Variants in DNAH14 observed in about 807,000 individuals in gnomAD.
DNAH14 encodes axonemal beta dynein heavy chain 14.
In DNAH14, 478 loss-of-function variants were observed where a neutral mutation model predicts 520.9. That is an observed-to-expected ratio of 0.92 (90% CI 0.85 to 0.99). The LOEUF (loss-of-function observed/expected upper bound fraction) is 0.99. Among genes scored for constraint, DNAH14 ranks in the 50% least tolerant of loss-of-function variants. DNAH14 has a pLI of 0.00. For missense variants in DNAH14, 4,831 were observed against 5,234.5 expected, an observed-to-expected ratio of 0.92 and a Z score of 2.38; for synonymous variants, 1,581 against 1,757.2, an observed-to-expected ratio of 0.90 and a Z score of 2.51.
At chr1:225,317,008 A>G (rs1474410848) in intron 60 of DNAH14, among the ~76,000 whole-genome samples, 1 of 152,206 alleles carries the variant, frequency 6.6e-6, no homozygotes, top group Non-Finnish European at 1.5e-5. Context: ...TGACATGAAT[A>G]TTTTATAGGA....
chr1:225,095,139 A>G (rs2074833837), intron 21 of DNAH14, among the ~76,000 whole-genome samples: 1 of 152,136 alleles, frequency 6.6e-6, no homozygotes, highest in African/African-American at 2.4e-5. Context: ...TAGCAATCCC[A>G]TTATTGAGTA....
At chr1:225,275,720 T>C (rs2093450085) in intron 52 of DNAH14, among the ~76,000 whole-genome samples, 194 bp from the exon 53 acceptor site, 1 of 152,182 alleles carries the variant, frequency 6.6e-6, no homozygotes, top group South Asian at 2.1e-4. Context: ...AAAATATTAT[T>C]TTGAGAAAGA....
At chr1:225,237,636 G>T (rs1444845024) in intron 42 of DNAH14, among the ~76,000 whole-genome samples, 1 of 152,104 alleles carries the variant, frequency 6.6e-6, no homozygotes, top group African/African-American at 2.4e-5. Context: ...TGCATTTCCT[G>T]AATTTGAAGG....
intron 17 of DNAH14, among the ~76,000 whole-genome samples, chr1:225,056,911 C>A (rs1260335803): frequency 1.3e-5 from 2 of 152,256 alleles, no homozygotes; most frequent in South Asian, 2.1e-4. Flanking sequence ...GGTACCAGTA[C>A]CATGCTGTTT....
At chr1:224,979,358 T>G (rs997315193) in intron 8 of DNAH14, among the ~76,000 whole-genome samples, 1 of 152,104 alleles carries the variant, frequency 6.6e-6, no homozygotes, top group African/African-American at 2.4e-5. Flanking sequence ...GACTGTTCAT[T>G]GAACTCAGTG....
chr1:225,299,727 A>G (rs926699141), intron 55 of DNAH14, among the ~76,000 whole-genome samples: 1 of 152,134 alleles, frequency 6.6e-6, no homozygotes, highest in Admixed American at 6.6e-5. Flanking sequence ...TGTTTCCCAC[A>G]CTTTCCAGGC....
chr1:225,327,577 A>G (rs1274779214), intron 64 of DNAH14, among the ~76,000 whole-genome samples: 2 of 152,220 alleles, frequency 1.3e-5, no homozygotes, highest in Non-Finnish European at 2.9e-5. Context: ...AGCAAAAGAA[A>G]TGCTCAGAGA....
Position 225,143,721 on chromosome 1 carries a change from T to A in DNAH14, c.4509-676T>A, listed in dbSNP as rs552514553. Among the ~76,000 whole-genome samples the A allele has an allele frequency of 2.0e-5, 3 of 151,634 alleles. No individual in the cohort carries two copies. In the East Asian group the frequency reaches 5.8e-4, roughly 29 times the overall value. On this transcript the variant is annotated intron_variant, in intron 28 of 85. Coordinates refer to ENST00000682510, the MANE Select transcript of DNAH14 (RefSeq NM_001367479.1). ...TTTTGCTTGACAATGTTTTAATATT[T>A]AAAAAAAAACATAAAATTCTTTACA...
chr1:225,140,763 T>G lies in DNAH14; in HGVS notation c.4255-5T>G, dbSNP rs567241709. On this transcript the variant is annotated splice_region_variant and splice_polypyrimidine_tract_variant and intron_variant, in intron 27 of 85. Transcript: ENST00000682510. ...TATATATATAACATTATCTTACTTT[T>G]TCAGAGCCAGATCATGTTTTATAAT... 2 of 1,511,476 alleles carry G rather than the reference T, an allele frequency of 1.3e-6. No homozygotes were observed. Among genetic ancestry groups the G allele is most frequent in the African/African-American group, 1.4e-5 (1 of 72,068 alleles). 93.6% of individuals were successfully genotyped at this position (1,511,476 alleles called of 1,614,324 possible).
intron 34 of DNAH14, among the ~76,000 whole-genome samples, chr1:225,156,208 C>T (rs2081026889): frequency 6.6e-6 from 1 of 152,014 alleles, no homozygotes; most frequent in Admixed American, 6.5e-5. Flanking sequence ...AATGTTAATT[C>T]TCAAATATAC....
chr1:225,228,247 G>A (rs147033930), intron 41 of DNAH14, among the ~76,000 whole-genome samples: 415 of 152,278 alleles, frequency 2.7e-3, no homozygotes, highest in Middle Eastern at 0.027. Context: ...GGCCAAAAAT[G>A]TGTCTAATGA....
chr1:225,050,287 A>ATT lies in DNAH14; in HGVS notation c.1990_1991insTT (p.Lys664IlefsTer6), dbSNP rs763061512. The ATT allele has an allele frequency of 3.5e-5, 54 of 1,550,096 alleles. No individual in the cohort carries two copies. The Middle Eastern group carries it at 6.7e-4, about 19-fold the overall frequency. On this transcript the variant is annotated frameshift_variant, in exon 16 of 86. Coordinates refer to ENST00000682510, the MANE Select transcript of DNAH14 (RefSeq NM_001367479.1). LOFTEE classifies it high-confidence loss of function. ...GGTTTCAATAATGGATTTACCTAAT[A>ATT]AGACAGGAAGCATAATACATTATAA...
chr1:225,257,872 A>C (rs2092795063), intron 44 of DNAH14, 88 bp from the exon 45 acceptor site: 1 of 1,105,618 alleles, frequency 9.0e-7, no homozygotes, highest in African/African-American at 1.7e-5. Context: ...AATGAAAATA[A>C]AATAATCCTA....
chr1:225,174,379 T>C (rs1431465128), intron 36 of DNAH14, among the ~76,000 whole-genome samples: 1 of 152,196 alleles, frequency 6.6e-6, no homozygotes, highest in Non-Finnish European at 1.5e-5. Flanking sequence ...TTATAGATGA[T>C]GATATATGTT....
chr1:225,050,224 C>G lies in DNAH14; in HGVS notation c.1927C>G (p.Leu643Val). Reference sequence around the variant, plus strand: ...ATATATTTTAGCCACAATTACTCCTCTTTGCCAAGATCCCCAGCTGTCTAT... The same window carrying G: ...ATATATTTTAGCCACAATTACTCCTGTTTGCCAAGATCCCCAGCTGTCTAT... ...MEKCITTITP[L>V]CQDPQLSIFI... Residue 643 changes from leucine to valine, a missense_variant, in exon 16 of 86, where the codon CTT becomes GTT. By Grantham distance (32) the Leu-to-Val change is conservative (BLOSUM62 1). Coordinates refer to ENST00000682510, the MANE Select transcript of DNAH14 (RefSeq NM_001367479.1). 1.3e-6 allele frequency: 2 copies of G among 1,537,012 alleles called. No individual in the cohort carries two copies. Among genetic ancestry groups the G allele is most frequent in the Non-Finnish European group, 1.7e-6 (2 of 1,143,450 alleles).
chr1:225,383,652 G>A (rs1330979098), intron 81 of DNAH14, among the ~76,000 whole-genome samples: 2 of 152,184 alleles, frequency 1.3e-5, no homozygotes, highest in Non-Finnish European at 2.9e-5. Context: ...GCAGAAAGAC[G>A]TGCTGTGTGA....
rs1027144826 is a variant in DNAH14, at chr1:225,265,188, C to G, written c.7229C>G (p.Pro2410Arg). 1.6e-5 allele frequency: 23 copies of G among 1,461,642 alleles called. No homozygotes were observed. The African/African-American group carries it at 3.1e-4, about 20-fold the overall frequency. The allele number at this position is 1,461,642 out of a possible 1,614,324, so 90.5% of individuals were successfully genotyped here. A position where few individuals can be genotyped will look rare whatever the true frequency, so the allele number is the denominator to read the frequency against. The change falls in exon 48 of 86, where the codon CCC (proline) becomes CGC (arginine). Residue 2410 changes from proline (P) to arginine (R), a missense_variant. Transcript: ENST00000682510. ...TCTATGTTTGGCATCACAGATAATC[C>G]CACTAAAAAGCCAGAAGTTAGAACT... Reference protein sequence around the residue: ...HKTATGSSDNPTKKPEVRTNK... With the variant: ...HKTATGSSDNRTKKPEVRTNK...
intron 8 of DNAH14, 88 bp downstream of exon 8, chr1:224,974,241 A>G: frequency 1.2e-6 from 1 of 837,188 alleles, no homozygotes; most frequent in Non-Finnish European, 1.7e-6. Flanking sequence ...TTTCATTTTC[A>G]TTCAGTGATT....
intron 58 of DNAH14, among the ~76,000 whole-genome samples, chr1:225,306,138 T>C (rs1248085690): frequency 6.6e-6 from 1 of 152,242 alleles, no homozygotes; most frequent in Non-Finnish European, 1.5e-5. Flanking sequence ...CAGGCAAGTA[T>C]AGGCCTGACA....
Sources: gnomAD v4.1 joint callset for allele counts (sites outside exome capture counted in the v4.1 genomes callset) on GRCh38, gnomAD v4.1.1 for gene constraint, MANE v1.5 for transcripts, NCBI Gene and HGNC (gene_info 2026-07-23, HGNC 2026-07-21) for gene names.